The following ATE1 variants were observed in gnomAD, a reference collection of about 807,000 sequenced individuals.
ATE1 encodes arginyltransferase 1, also known as arginyl-tRNA--protein transferase 1.
In ATE1, 36 loss-of-function variants were observed where a neutral mutation model predicts 70.5. The observed-to-expected ratio is 0.51, with a 90% CI of 0.39 to 0.67. The LOEUF (loss-of-function observed/expected upper bound fraction) is 0.67, where lower values mean the gene tolerates loss of function less well. ATE1 is among the 30% of genes least tolerant of loss of function. The pLI is 0.00. For synonymous variants in ATE1, 232 were observed against 219.3 expected, an observed-to-expected ratio of 1.06 and a Z score of -0.51; for missense variants, 593 against 629.5, an observed-to-expected ratio of 0.94 and a Z score of 0.62.
chr10:121,852,665 CGCACCACT>C (rs1199327097), intron 8 of ATE1, among the ~76,000 whole-genome samples: 6 of 151,980 alleles, frequency 3.9e-5, no homozygotes, highest in Non-Finnish European at 8.8e-5. Flanking sequence ...GAGCTGAGAT[CGCACCACT>C]GCACTCCAGC....
chr10:121,928,423 C>T, upstream of ATE1: 1 of 1,522,206 alleles, frequency 6.6e-7, no homozygotes. Context: ...ATTCCACCAC[C>T]GACGCCATGG....
chr10:121,816,271 T>C (rs1947538000), intron 10 of ATE1, among the ~76,000 whole-genome samples: 1 of 152,338 alleles, frequency 6.6e-6, no homozygotes, highest in South Asian at 2.1e-4. Flanking sequence ...CTATTAGTTG[T>C]TTCAAGGGTG....
intron 8 of ATE1, among the ~76,000 whole-genome samples, chr10:121,843,617 GACAC>G (rs1356758403): frequency 2.0e-5 from 3 of 151,894 alleles, no homozygotes; most frequent in Non-Finnish European, 4.4e-5. Context: ...AGATAAAACA[GACAC>G]ACACAAATAT....
intron 9 of ATE1, among the ~76,000 whole-genome samples, chr10:121,840,728 G>C (rs574734038): frequency 5.8e-4 from 88 of 150,824 alleles, no homozygotes; most frequent in African/African-American, 1.9e-3. Flanking sequence ...ATAGATACTA[G>C]TTATACATAA....
chr10:121,832,977 C>T (rs940637846), intron 10 of ATE1, among the ~76,000 whole-genome samples: 1 of 152,100 alleles, frequency 6.6e-6, no homozygotes, highest in African/African-American at 2.4e-5. Flanking sequence ...CTTGACAGGT[C>T]CCAACAAAAG....
chr10:121,797,027 G>A (rs1057301126), intron 10 of ATE1, among the ~76,000 whole-genome samples: 1 of 152,114 alleles, frequency 6.6e-6, no homozygotes, highest in Non-Finnish European at 1.5e-5. Flanking sequence ...GATAGCCAGA[G>A]GTTAAAAGTT....
intron 5 of ATE1, 30 bp downstream of exon 5, chr10:121,910,876 A>C: frequency 1.2e-6 from 2 of 1,612,692 alleles, no homozygotes; most frequent in Non-Finnish European, 1.7e-6. Context: ...AAAGCCGTGA[A>C]TATGACTTGG....
intron 7 of ATE1, among the ~76,000 whole-genome samples, chr10:121,873,303 C>G (rs1484661038): frequency 1.3e-5 from 2 of 152,090 alleles, no homozygotes; most frequent in East Asian, 3.9e-4. Context: ...TAAAAGGCAT[C>G]AGTACCATTT....
intron 7 of ATE1, among the ~76,000 whole-genome samples, chr10:121,893,892 C>G (rs1313306525): frequency 6.6e-6 from 1 of 152,042 alleles, no homozygotes; most frequent in Non-Finnish European, 1.5e-5. Context: ...AATCCCAGCA[C>G]TTTGGGAGGC....
chr10:121,859,442 G>C (rs2133942576), intron 8 of ATE1, among the ~76,000 whole-genome samples: 1 of 151,702 alleles, frequency 6.6e-6, no homozygotes, highest in African/African-American at 2.4e-5. Flanking sequence ...ATTTTTAGTA[G>C]AGACGGGGTT....
chr10:121,772,518 C>A (rs749487295), intron 11 of ATE1, among the ~76,000 whole-genome samples: 5 of 152,128 alleles, frequency 3.3e-5, no homozygotes, highest in Non-Finnish European at 5.9e-5. Context: ...GCAAGGGGCC[C>A]ATCAAAAACA....
intron 11 of ATE1, among the ~76,000 whole-genome samples, chr10:121,767,151 T>C (rs767778861): frequency 6.6e-6 from 1 of 152,116 alleles, no homozygotes; most frequent in African/African-American, 2.4e-5. Context: ...CTATCCACCA[T>C]ATTAACAGTT....
intron 8 of ATE1, among the ~76,000 whole-genome samples, chr10:121,851,088 C>A (rs1474407294): frequency 4.9e-5 from 2 of 41,062 alleles, no homozygotes; most frequent in Non-Finnish European, 8.8e-5. Context: ...GAGACTCCAT[C>A]TCAAAAAAAA....
At position 121,841,079 on chromosome 10, in the gene ATE1, T is replaced by C. The variant is rs186179736; in HGVS notation, c.1157+3A>G. The C allele has an allele frequency of 2.3e-3, 3,583 of 1,528,480 alleles. 6 individuals are homozygous for C. Among genetic ancestry groups the C allele is most frequent in the Non-Finnish European group, 2.9e-3 (3,221 of 1,129,604 alleles). 94.7% of individuals were successfully genotyped at this position (1,528,480 alleles called of 1,614,324 possible). A position where few individuals can be genotyped will look rare whatever the true frequency, so the allele number is the denominator to read the frequency against. On this transcript the variant is annotated splice_donor_region_variant and intron_variant, in intron 9 of 11. Transcript: ENST00000224652. ...CTACAATAACGGCAAAAAGCAATCT[T>C]ACCGTAGTGCAGAGTAGACGCCCAA...
At chr10:121,820,849 T>C (rs1947764663) in intron 10 of ATE1, among the ~76,000 whole-genome samples, 1 of 152,254 alleles carries the variant, frequency 6.6e-6, no homozygotes, top group Non-Finnish European at 1.5e-5. Flanking sequence ...TAATCAGTCC[T>C]GCACCCTGTC....
At chr10:121,769,751 A>G (rs1463386296) in intron 11 of ATE1, among the ~76,000 whole-genome samples, 5 of 152,260 alleles carry the variant, frequency 3.3e-5, no homozygotes, top group Non-Finnish European at 7.3e-5. Context: ...GCAAACAAGC[A>G]GATGTAAAGA....
Position 121,927,956 on chromosome 10 carries a change from G to C in ATE1, c.-7C>G, listed in dbSNP as rs760567588. 1 of 1,532,410 alleles carries C rather than the reference G, an allele frequency of 6.5e-7. No individual in the cohort carries two copies. The allele number at this position is 1,532,410 out of a possible 1,614,324, so 94.9% of individuals were successfully genotyped here. On this transcript the variant is annotated 5_prime_UTR_variant, in exon 1 of 12. Coordinates refer to ENST00000224652, the MANE Select transcript of ATE1 (RefSeq NM_001001976.3). ...CCCCCGCCCAGAAAGCCATGGCCTC[G>C]GCCCCGCGAACGCTCAGCCGCCCGG...
intron 1 of ATE1, among the ~76,000 whole-genome samples, chr10:121,924,691 C>A (rs1481482046): frequency 7.1e-6 from 1 of 140,732 alleles, no homozygotes; most frequent in Non-Finnish European, 1.5e-5. Context: ...CAGAGTGAGA[C>A]TCCATCTCAA....
Position 121,833,643 on chromosome 10 carries a change from GA to G in ATE1, c.1257+3074del, listed in dbSNP as rs748153929. 1.1e-4 allele frequency among the ~76,000 whole-genome samples: 16 copies of G among 146,696 alleles called. No individual in the cohort carries two copies. In the East Asian group the frequency reaches 3.6e-3, roughly 33 times the overall value. ...CTTGGGGGAGGGGCAAAGGGAAGGG[GA>G]AAAAAAACGACAGTACAGTACAGAT... On this transcript the variant is annotated intron_variant, in intron 10 of 11. Transcript: ENST00000224652.
Sources: allele counts gnomAD v4.1 joint callset (sites outside exome capture counted in the v4.1 genomes callset), GRCh38; gene constraint gnomAD v4.1.1; transcripts MANE v1.5; gene names NCBI Gene and HGNC (gene_info 2026-07-23, HGNC 2026-07-21).